The following TNS1 variants were observed in gnomAD, a reference collection of about 807,000 sequenced individuals.
The protein encoded by TNS1 is tensin-1.
TNS1 carries 62 observed loss-of-function variants against 168.6 expected under a neutral mutation model. The observed-to-expected ratio is 0.37, with a 90% CI of 0.30 to 0.45. The LOEUF (loss-of-function observed/expected upper bound fraction) is 0.45. Ranked by LOEUF, TNS1 falls within the 20% of genes least tolerant of loss-of-function variation. TNS1 has a pLI of 1.00. For synonymous variants in TNS1, 934 were observed against 933.2 expected (o/e 1.00, Z -0.02); for missense variants, 2,240 against 2,339.4 (o/e 0.96, Z 0.88).
At chr2:217,927,505 C>T (rs1185075360) in intron 3 of TNS1, among the ~76,000 whole-genome samples, 2 of 152,134 alleles carry the variant, frequency 1.3e-5, no homozygotes, top group Non-Finnish European at 2.9e-5. Context: ...TAAAGATGTC[C>T]AGGAGTAGGG....
chr2:217,881,839 G>A (rs1370929728), intron 17 of TNS1: 1 of 152,334 alleles, frequency 6.6e-6, no homozygotes. Flanking sequence ...CCTTTCTTTA[G>A]TCTATCCAGA....
Position 217,817,699 on chromosome 2 carries a change from A to G in TNS1, c.4633T>C (p.Ser1545Pro). The G allele has an allele frequency of 6.3e-7, 1 of 1,592,630 alleles. No individual in the cohort carries two copies. The highest frequency in any genetic ancestry group is 1.7e-4 in the Middle Eastern group (1 of 5,980). The stretch of plus-strand genomic sequence containing the variant: ...AGGGGGAGAGGCCCACCTGGCATGG[A>G]GTACTTGGAGAAGTCGGGCAGAGTG... ...SHTLPDFSKY[S>P]MPDNSPETRA... Residue 1545 changes from serine (S) to proline (P), a missense_variant, in exon 24 of 33, where the codon TCC becomes CCC. Coordinates refer to ENST00000682258, the MANE Select transcript of TNS1 (RefSeq NM_001387777.1).
chr2:217,830,748 G>A (rs887595111), intron 22 of TNS1, among the ~76,000 whole-genome samples: 5 of 152,226 alleles, frequency 3.3e-5, no homozygotes, highest in Admixed American at 6.5e-5. Context: ...AGCCAGCATC[G>A]GGAGTAGGGA....
Position 217,936,529 on chromosome 2 carries a change from T to G in TNS1, c.187-16293A>C, listed in dbSNP as rs911604481. On this transcript the variant is annotated intron_variant, in intron 3 of 32. Transcript: ENST00000682258. ...GGAGAGGATTTTCCAGCCCCAGGGC[T>G]GAGGAATTTGAACATAGGATTCCAG... 2.0e-5 allele frequency among the ~76,000 whole-genome samples: 3 copies of G among 152,160 alleles called. No individual in the cohort carries two copies. The East Asian group carries it at 5.8e-4, about 29-fold the overall frequency.
chr2:217,848,068 T>C lies in TNS1; in HGVS notation c.2449A>G (p.Ser817Gly), dbSNP rs763485297. The change falls in exon 19 of 33, where the codon AGT (serine) becomes GGT (glycine). Residue 817 changes from serine to glycine, a missense_variant. Physicochemically the swap from Ser to Gly is moderately conservative, Grantham distance 56. This residue lies in a region of TNS1 where 2,131 missense variants were observed against 2,171.2 expected (regional missense o/e 0.98). Coordinates refer to ENST00000682258, the MANE Select transcript of TNS1 (RefSeq NM_001387777.1). ...PQPLAETPIP[S>G]LPEFPRAASQ... is the part of the protein sequence containing the mutation. ...GCTGCTCGCGGGAACTCAGGGAGAC[T>C]GGGGATGGGGGTCTCTGCCAATGGC... 1 of 1,540,146 alleles carries C rather than the reference T, an allele frequency of 6.5e-7. No individual in the cohort carries two copies. Among genetic ancestry groups the C allele is most frequent in the Non-Finnish European group, 8.7e-7 (1 of 1,143,328 alleles).
intron 19 of TNS1, among the ~76,000 whole-genome samples, chr2:217,841,015 G>A (rs1945876070): frequency 6.6e-6 from 1 of 152,184 alleles, no homozygotes; most frequent in Admixed American, 6.5e-5. Context: ...AATGGGGAAG[G>A]AGAAGGAGAA....
chr2:217,821,037 C>T (rs1442293910), intron 23 of TNS1, among the ~76,000 whole-genome samples: 1 of 152,194 alleles, frequency 6.6e-6, no homozygotes, highest in Non-Finnish European at 1.5e-5. Flanking sequence ...CCTGCTACTT[C>T]CTCTACACCC....
chr2:217,925,228 C>T (rs1164383870), intron 3 of TNS1, among the ~76,000 whole-genome samples: 5 of 152,092 alleles, frequency 3.3e-5, no homozygotes, highest in South Asian at 2.1e-4. Context: ...TTTTTTTGTG[C>T]GTGTGGCCTG....
chr2:217,987,930 A>G (rs937962734), intron 2 of TNS1, among the ~76,000 whole-genome samples: 1 of 151,878 alleles, frequency 6.6e-6, no homozygotes, highest in East Asian at 1.9e-4. Context: ...TGAGCTCCTG[A>G]CTCCAAAGCA....
chr2:217,900,762 G>A, intron 6 of TNS1: 1 of 548,202 alleles, frequency 1.8e-6, no homozygotes, highest in Non-Finnish European at 3.2e-6. Context: ...GAATGCTGAG[G>A]AGTGCACCCC....
chr2:217,939,234 G>A (rs1278388560), intron 3 of TNS1, among the ~76,000 whole-genome samples: 1 of 152,132 alleles, frequency 6.6e-6, no homozygotes, highest in Non-Finnish European at 1.5e-5. Flanking sequence ...ACCACAGCTG[G>A]TAAACCGGGT....
chr2:217,888,454 A>G (rs1303896335), intron 12 of TNS1, among the ~76,000 whole-genome samples: 1 of 152,154 alleles, frequency 6.6e-6, no homozygotes, highest in Non-Finnish European at 1.5e-5. Context: ...AGCCAGGCAG[A>G]CACGCCCCAA....
At chr2:217,978,039 G>A (rs10211490) in intron 3 of TNS1, among the ~76,000 whole-genome samples, 6,106 of 152,018 alleles carry the variant, frequency 0.04, 365 homozygotes, top group African/African-American at 0.12. Flanking sequence ...CCCACCCCCT[G>A]TTACTCCAAG....
intron 2 of TNS1, among the ~76,000 whole-genome samples, chr2:217,988,919 G>A (rs1252208986): frequency 6.6e-6 from 1 of 152,150 alleles, no homozygotes; most frequent in Non-Finnish European, 1.5e-5. Flanking sequence ...GCCTTTGAGT[G>A]CTTGGTATGC....
intron 4 of TNS1, among the ~76,000 whole-genome samples, chr2:217,919,655 C>G (rs2288172): frequency 0.088 from 13,448 of 152,274 alleles, 1,138 homozygotes; most frequent in African/African-American, 0.22. Context: ...GGGATCCCAC[C>G]CCAGTCCAGG....
At chr2:217,837,553 A>T (rs1417813966) in intron 19 of TNS1, among the ~76,000 whole-genome samples, 3 of 152,226 alleles carry the variant, frequency 2.0e-5, no homozygotes, top group African/African-American at 7.2e-5. Flanking sequence ...GGGGCGCATC[A>T]GGAGAGCAGC....
chr2:217,963,638 G>C (rs893001808), intron 3 of TNS1, among the ~76,000 whole-genome samples: 4 of 150,212 alleles, frequency 2.7e-5, no homozygotes, highest in Admixed American at 6.7e-5. Flanking sequence ...ATGAAGAAAA[G>C]ATAAATATTT....
intron 1 of TNS1, among the ~76,000 whole-genome samples, chr2:218,031,733 G>A (rs1559415844): frequency 6.6e-6 from 1 of 152,298 alleles, no homozygotes; most frequent in East Asian, 1.9e-4. Context: ...TCCAACCCAT[G>A]GGGGAGGGAG....
At position 217,877,567 on chromosome 2, in the gene TNS1, C is replaced by T. The variant is rs889372271; in HGVS notation, c.1429+3331G>A. On this transcript the variant is annotated intron_variant, in intron 18 of 32. Coordinates refer to ENST00000682258, the MANE Select transcript of TNS1 (RefSeq NM_001387777.1). ...TCGGGTTTTATGACTAGCCCAGCCA[C>T]CTGAGCCTGAGAAGTCAGCCTTCAG... Among the ~76,000 whole-genome samples the T allele has an allele frequency of 3.3e-5, 5 of 152,202 alleles. No individual in the cohort carries two copies. In the South Asian group the frequency reaches 8.3e-4, roughly 25 times the overall value.
Sources: gnomAD v4.1 joint callset for allele counts (sites outside exome capture counted in the v4.1 genomes callset) on GRCh38, gnomAD v4.1.1 for gene constraint, gnomAD v4.1.1 regional missense constraint, MANE v1.5 for transcripts, NCBI Gene and HGNC (gene_info 2026-07-23, HGNC 2026-07-21) for gene names.